TSHZ2: variants seen among roughly 807,000 people sequenced by gnomAD.
TSHZ2 encodes the protein teashirt homolog 2.
Under a neutral mutation model 74.4 loss-of-function variants are expected in TSHZ2, and 21 were observed. The ratio of observed to expected loss-of-function variants is 0.28; its 90% CI spans 0.20 to 0.41. The LOEUF (loss-of-function observed/expected upper bound fraction) is 0.41. Among genes scored for constraint, TSHZ2 ranks in the 10% least tolerant of loss-of-function variants. The probability of loss-of-function intolerance (pLI) is 1.00; values close to 1 mark genes in which losing one functional copy is unlikely to be tolerated. For missense variants in TSHZ2, 1,244 were observed against 1,293.5 expected (o/e 0.96, Z 0.59); for synonymous variants, 540 against 515.3 (o/e 1.05, Z -0.65).
intron 1 of TSHZ2, among the ~76,000 whole-genome samples, chr20:53,072,810 A>C (rs1487474166): frequency 1.3e-5 from 2 of 152,142 alleles, no homozygotes; most frequent in Non-Finnish European, 2.9e-5. Context: ...GAGGCAGGTA[A>C]ATTCACTAGA....
intron 1 of TSHZ2, among the ~76,000 whole-genome samples, chr20:53,220,267 A>C (rs1989523625): frequency 2.0e-5 from 3 of 152,250 alleles, no homozygotes; most frequent in Admixed American, 2.0e-4. Context: ...GAGTCAGTGA[A>C]TATTTCAGAA....
chr20:53,162,682 G>C (rs981114506), intron 1 of TSHZ2, among the ~76,000 whole-genome samples: 1 of 152,184 alleles, frequency 6.6e-6, no homozygotes, highest in East Asian at 1.9e-4. Flanking sequence ...ATTAGTGGGG[G>C]TGTTGCATGG....
chr20:53,096,298 C>A (rs1015310641), intron 1 of TSHZ2, among the ~76,000 whole-genome samples: 1 of 152,122 alleles, frequency 6.6e-6, no homozygotes, highest in Non-Finnish European at 1.5e-5. Flanking sequence ...TGCACCACCA[C>A]GCCTGGCTAA....
At chr20:52,991,779 T>C in intron 1 of TSHZ2, among the ~76,000 whole-genome samples, 1 of 148,520 alleles carries the variant, frequency 6.7e-6, no homozygotes, top group African/African-American at 2.4e-5. Context: ...GGATTATGTA[T>C]GTTGTGGGTA....
At chr20:53,140,703 C>T (rs1568779132) in intron 1 of TSHZ2, among the ~76,000 whole-genome samples, 1 of 152,210 alleles carries the variant, frequency 6.6e-6, no homozygotes, top group African/African-American at 2.4e-5. Context: ...ATGACCCAAA[C>T]AAGCTTCCCG....
At chr20:53,078,772 G>T (rs1318555250) in intron 1 of TSHZ2, among the ~76,000 whole-genome samples, 1 of 152,094 alleles carries the variant, frequency 6.6e-6, no homozygotes, top group Non-Finnish European at 1.5e-5. Context: ...AATAGAGCTT[G>T]GCTATATGGT....
chr20:53,482,342 C>A (rs1453056849), intron 2 of TSHZ2, among the ~76,000 whole-genome samples: 1 of 152,118 alleles, frequency 6.6e-6, no homozygotes, highest in African/African-American at 2.4e-5. Context: ...TCCTGAACTG[C>A]AGCATTGTGA....
At chr20:52,995,569 G>A (rs1295397063) in intron 1 of TSHZ2, among the ~76,000 whole-genome samples, 6 of 151,878 alleles carry the variant, frequency 4.0e-5, no homozygotes, top group African/African-American at 1.2e-4. Flanking sequence ...TTTGAACTCA[G>A]GCAAACTGAG....
intron 1 of TSHZ2, among the ~76,000 whole-genome samples, chr20:53,042,428 A>C (rs77942721): frequency 4.9e-4 from 75 of 152,302 alleles, no homozygotes; most frequent in Non-Finnish European, 8.4e-4. Flanking sequence ...AGGCATATAC[A>C]TTCGTATATA....
intron 2 of TSHZ2, among the ~76,000 whole-genome samples, chr20:53,268,281 A>G (rs1041864425): frequency 6.6e-6 from 1 of 152,134 alleles, no homozygotes; most frequent in East Asian, 1.9e-4. Flanking sequence ...ATTACTTACT[A>G]TTCATTTCGT....
intron 1 of TSHZ2, among the ~76,000 whole-genome samples, chr20:53,162,133 C>T (rs1288177976): frequency 6.6e-6 from 1 of 152,150 alleles, no homozygotes; most frequent in African/African-American, 2.4e-5. Flanking sequence ...TTTTCTAACC[C>T]TTCCAAGAGT....
chr20:53,134,190 C>T (rs1030256854), intron 1 of TSHZ2, among the ~76,000 whole-genome samples: 1 of 152,130 alleles, frequency 6.6e-6, no homozygotes, highest in East Asian at 1.9e-4. Context: ...TCTGAGATAA[C>T]CCATAAAGAA....
chr20:53,418,622 C>A lies in TSHZ2; in HGVS notation c.*9-68522C>A, dbSNP rs186977417. On this transcript the variant is annotated intron_variant, in intron 2 of 2. Coordinates refer to ENST00000371497, the MANE Select transcript of TSHZ2 (RefSeq NM_173485.6). ...CAACAGCACAGGAAAGACCTGCCCCCATGATCCAATTACCACCCCCCAGGT... is the reference window on the plus strand; with the variant it reads ...CAACAGCACAGGAAAGACCTGCCCCAATGATCCAATTACCACCCCCCAGGT... 2.2e-3 allele frequency among the ~76,000 whole-genome samples: 330 copies of A among 152,224 alleles called. 3 individuals carry two copies. The highest frequency in any genetic ancestry group is 0.02 in the Middle Eastern group (6 of 294).
intron 1 of TSHZ2, among the ~76,000 whole-genome samples, chr20:53,130,230 TAA>T (rs11475485): frequency 4.8e-4 from 71 of 148,610 alleles, no homozygotes; most frequent in African/African-American, 6.9e-4. Flanking sequence ...AGCTAAAATT[TAA>T]AAAAAAAAAA....
chr20:53,005,444 T>A (rs1982609004), intron 1 of TSHZ2, among the ~76,000 whole-genome samples: 1 of 152,194 alleles, frequency 6.6e-6, no homozygotes, highest in South Asian at 2.1e-4. Flanking sequence ...AGAGGAGAAA[T>A]GGTGGCCTAG....
At chr20:53,315,544 A>G (rs1259627862) in intron 2 of TSHZ2, among the ~76,000 whole-genome samples, 5 of 152,222 alleles carry the variant, frequency 3.3e-5, no homozygotes, top group Non-Finnish European at 5.9e-5. Context: ...CAAATTAAAT[A>G]ACTGCGATAT....
At chr20:53,362,233 G>C (rs367768925) in intron 2 of TSHZ2, among the ~76,000 whole-genome samples, 3 of 146,516 alleles carry the variant, frequency 2.0e-5, no homozygotes, top group East Asian at 4.1e-4. Context: ...TGCCCAGGCC[G>C]GAGCGCAGTG....
chr20:53,236,061 A>G (rs1463493010), intron 1 of TSHZ2, among the ~76,000 whole-genome samples: 1 of 152,232 alleles, frequency 6.6e-6, no homozygotes, highest in Non-Finnish European at 1.5e-5. Flanking sequence ...CAGCAAAGAA[A>G]GCAGTCAATT....
intron 1 of TSHZ2, among the ~76,000 whole-genome samples, chr20:53,058,517 C>A (rs1286679554): frequency 6.6e-6 from 1 of 152,222 alleles, no homozygotes; most frequent in Non-Finnish European, 1.5e-5. Flanking sequence ...TGTATGGGCC[C>A]TTCTGAGCAT....
Sources: allele counts gnomAD v4.1 joint callset (sites outside exome capture counted in the v4.1 genomes callset), GRCh38; gene constraint gnomAD v4.1.1; transcripts MANE v1.5; gene names NCBI Gene and HGNC (gene_info 2026-07-23, HGNC 2026-07-21).